The following MTMR12 variants were observed in gnomAD, a reference collection of about 807,000 sequenced individuals.
MTMR12 encodes myotubularin-related protein 12.
Under a neutral mutation model 96.7 loss-of-function variants are expected in MTMR12, and 33 were observed. The ratio of observed to expected loss-of-function variants is 0.34; its 90% confidence interval spans 0.26 to 0.46. The LOEUF (loss-of-function observed/expected upper bound fraction) is 0.46, where lower values mean the gene tolerates loss of function less well. Among genes scored for constraint, MTMR12 ranks in the 20% least tolerant of loss-of-function variants. The pLI is 1.00. For missense variants in MTMR12, 721 were observed against 896.1 expected (o/e 0.80, Z 2.49); for synonymous variants, 298 against 327.2 (o/e 0.91, Z 0.96).
At chr5:32,299,913 C>T (rs1306188240) in intron 1 of MTMR12, among the ~76,000 whole-genome samples, 5 of 152,018 alleles carry the variant, frequency 3.3e-5, no homozygotes, top group Middle Eastern at 3.4e-3. Flanking sequence ...CACCAAATCC[C>T]GCTTTAATGT....
intron 6 of MTMR12, among the ~76,000 whole-genome samples, chr5:32,267,331 G>A (rs373291612): frequency 1.4e-5 from 2 of 147,052 alleles, no homozygotes; most frequent in African/African-American, 2.6e-5. Context: ...AGCCAAGATC[G>A]TGCCACTGCA....
At chr5:32,285,423 C>T (rs1162579049) in intron 1 of MTMR12, among the ~76,000 whole-genome samples, 1 of 151,730 alleles carries the variant, frequency 6.6e-6, no homozygotes, top group Admixed American at 6.6e-5. Flanking sequence ...GCCTTGGCCT[C>T]CCAAAGTGCT....
chr5:32,299,954 A>G lies in MTMR12; in HGVS notation c.81+12804T>C, dbSNP rs568912691. On this transcript the variant is annotated intron_variant, in intron 1 of 15. Coordinates refer to ENST00000382142, the MANE Select transcript of MTMR12 (RefSeq NM_001040446.3). ...TTTCCAAGTCCTACACAGCTTTTGC[A>G]TAAGACCAGATGCTGCCTTGGGTTC... Among the ~76,000 whole-genome samples the G allele has an allele frequency of 5.1e-4, 78 of 152,184 alleles. No homozygotes were observed. In the South Asian group the frequency reaches 0.015, roughly 30 times the overall value.
At chr5:32,306,453 T>C (rs1265757054) in intron 1 of MTMR12, among the ~76,000 whole-genome samples, 3 of 152,198 alleles carry the variant, frequency 2.0e-5, no homozygotes, top group Non-Finnish European at 4.4e-5. Context: ...CAGGATCATA[T>C]ATTCACTTCT....
At chr5:32,261,802 A>G (rs746034834) in intron 7 of MTMR12, among the ~76,000 whole-genome samples, 7 of 152,266 alleles carry the variant, frequency 4.6e-5, no homozygotes, top group African/African-American at 9.6e-5. Flanking sequence ...GCCGGGCGCA[A>G]TGGCTCACAC....
At chr5:32,299,985 T>C (rs551632153) in intron 1 of MTMR12, among the ~76,000 whole-genome samples, 19 of 152,254 alleles carry the variant, frequency 1.2e-4, no homozygotes, top group African/African-American at 4.1e-4. Flanking sequence ...GGTTCTGCAG[T>C]GGGTCTTGCT....
At chr5:32,259,547 T>C (rs935265846) in intron 7 of MTMR12, among the ~76,000 whole-genome samples, 3 of 152,224 alleles carry the variant, frequency 2.0e-5, no homozygotes, top group Non-Finnish European at 4.4e-5. Flanking sequence ...CGTGTTACAC[T>C]GAGGACATAA....
At chr5:32,236,319 A>T (rs117014465) in intron 13 of MTMR12, among the ~76,000 whole-genome samples, 3,241 of 152,264 alleles carry the variant, frequency 0.021, 84 homozygotes, top group East Asian at 0.086. Flanking sequence ...AGGCTGAGGC[A>T]GATGGATCGC....
chr5:32,258,362 G>C (rs1749222753), intron 7 of MTMR12, among the ~76,000 whole-genome samples: 1 of 152,198 alleles, frequency 6.6e-6, no homozygotes, highest in Non-Finnish European at 1.5e-5. Flanking sequence ...AGTCATTGAA[G>C]TAAAAACCTC....
chr5:32,297,649 G>T (rs541237135), intron 1 of MTMR12, among the ~76,000 whole-genome samples: 2 of 151,746 alleles, frequency 1.3e-5, no homozygotes, highest in Non-Finnish European at 2.9e-5. Context: ...TTGAAGTGCA[G>T]TGAAAGCATT....
At position 32,274,206 on chromosome 5, in the gene MTMR12, A is replaced by C. The variant is rs1749960361; in HGVS notation, c.143-84T>G. On this transcript the variant is annotated intron_variant, in intron 2 of 15. Coordinates refer to ENST00000382142, the MANE Select transcript of MTMR12 (RefSeq NM_001040446.3). ...CACTAAAGGCTTTCCAGCCCTATTT[A>C]CATAAGGACAAACATACAATACAAC... 13 of 1,471,900 alleles carry C rather than the reference A, an allele frequency of 8.8e-6. No individual in the cohort carries two copies. The South Asian group carries it at 1.7e-4, about 19-fold the overall frequency. 91.2% of individuals were successfully genotyped at this position (1,471,900 alleles called of 1,614,324 possible). A position where few individuals can be genotyped will look rare whatever the true frequency, so the allele number is the denominator to read the frequency against.
chr5:32,293,736 G>C (rs1750825067), intron 1 of MTMR12, among the ~76,000 whole-genome samples: 1 of 152,104 alleles, frequency 6.6e-6, no homozygotes, highest in Non-Finnish European at 1.5e-5. Context: ...CAACAGTATA[G>C]GCTGATGATC....
intron 6 of MTMR12, among the ~76,000 whole-genome samples, chr5:32,265,994 T>C (rs956251366): frequency 6.6e-6 from 1 of 152,142 alleles, no homozygotes; most frequent in Non-Finnish European, 1.5e-5. Context: ...GAAATCACCA[T>C]AGCTCCCAAA....
At chr5:32,271,432 T>G (rs1749828286) in intron 4 of MTMR12, among the ~76,000 whole-genome samples, 1 of 152,062 alleles carries the variant, frequency 6.6e-6, no homozygotes, top group Non-Finnish European at 1.5e-5. Flanking sequence ...ACAAAAACAT[T>G]CGGAAGTGGA....
chr5:32,230,350 T>C lies in MTMR12; in HGVS notation c.1675-3A>G. On this transcript the variant is annotated splice_region_variant and splice_polypyrimidine_tract_variant and intron_variant, in intron 15 of 15. Transcript: ENST00000382142. ...GGCAAAGAAAGTTGTCGTTGATGCT[T>C]TGAGAGAAAACACAAATAAAAATCA... is the stretch of plus-strand genomic sequence containing the variant. The C allele has an allele frequency of 6.3e-7, 1 of 1,593,586 alleles. No homozygotes were observed. Among genetic ancestry groups the C allele is most frequent in the Non-Finnish European group, 8.5e-7 (1 of 1,171,862 alleles).
intron 1 of MTMR12, among the ~76,000 whole-genome samples, chr5:32,299,232 G>A (rs935457203): frequency 3.3e-5 from 5 of 152,100 alleles, no homozygotes; most frequent in Non-Finnish European, 4.4e-5. Context: ...GCAACCTTAC[G>A]GGCTTTTATT....
intron 1 of MTMR12, among the ~76,000 whole-genome samples, chr5:32,280,123 T>G (rs1750237137): frequency 6.6e-6 from 1 of 152,166 alleles, no homozygotes; most frequent in South Asian, 2.1e-4. Flanking sequence ...ACATTCAGAG[T>G]GCACATCATC....
chr5:32,278,789 A>G (rs1750162102), intron 1 of MTMR12, among the ~76,000 whole-genome samples: 1 of 152,132 alleles, frequency 6.6e-6, no homozygotes, highest in Non-Finnish European at 1.5e-5. Flanking sequence ...GTAATTTAAA[A>G]ATTCTTGGCC....
intron 1 of MTMR12, among the ~76,000 whole-genome samples, chr5:32,299,747 C>G (rs1561811528): frequency 6.6e-6 from 1 of 152,120 alleles, no homozygotes; most frequent in Non-Finnish European, 1.5e-5. Flanking sequence ...GAGCAGCGAC[C>G]CTTGGATTCT....
Sources: allele counts gnomAD v4.1 joint callset (sites outside exome capture counted in the v4.1 genomes callset), GRCh38; gene constraint gnomAD v4.1.1; transcripts MANE v1.5; gene names NCBI Gene and HGNC (gene_info 2026-07-23, HGNC 2026-07-21).